Variants in BOD1L1 observed in about 807,000 individuals in gnomAD.
BOD1L1 encodes the protein biorientation of chromosomes in cell division protein 1-like 1.
A neutral mutation model predicts 240.7 loss-of-function variants in BOD1L1; 86 were observed. The observed-to-expected ratio is 0.36, with a 90% CI of 0.30 to 0.43. The LOEUF (loss-of-function observed/expected upper bound fraction) is 0.43, where lower values mean the gene tolerates loss of function less well. Ranked by LOEUF, BOD1L1 falls within the 20% of genes least tolerant of loss-of-function variation. The pLI is 1.00. For synonymous variants in BOD1L1, 1,268 were observed against 1,272.3 expected, an observed-to-expected ratio of 1.00 and a Z score of 0.07; for missense variants, 3,554 against 3,643.5, an observed-to-expected ratio of 0.98 and a Z score of 0.63.
intron 25 of BOD1L1, among the ~76,000 whole-genome samples, chr4:13,573,831 T>A (rs2108876214): frequency 6.6e-6 from 1 of 152,268 alleles, no homozygotes; most frequent in East Asian, 1.9e-4. Context: ...GCCTCTTTTA[T>A]ATTTTATTAA....
rs752234564 is a variant in BOD1L1 at position 13,601,716 on chromosome 4, T to C, written c.5184A>G (p.Thr1728=). ...GPKKETEGTV[T]CTGAEGRSDN... ...CACTTCTGCCTTCTGCTCCTGTACA[T>C]GTCACAGTGCCCTCTGTTTCTTTTT... The change falls in exon 10 of 26, where the codon ACA becomes ACG. Residue 1728 remains threonine (T), a synonymous_variant. Transcript: ENST00000040738. The C allele has an allele frequency of 5.0e-6, 8 of 1,613,932 alleles. No homozygotes were observed. Among genetic ancestry groups the C allele is most frequent in the Non-Finnish European group, 6.8e-6 (8 of 1,179,910 alleles).
intron 22 of BOD1L1, among the ~76,000 whole-genome samples, chr4:13,579,144 G>A (rs1185422330): frequency 4.6e-5 from 7 of 152,116 alleles, no homozygotes; most frequent in Non-Finnish European, 7.4e-5. Context: ...TGTCAACAAA[G>A]AGGACTGTCT....
At chr4:13,615,741 A>C (rs1716533854) in intron 2 of BOD1L1, among the ~76,000 whole-genome samples, 1 of 152,172 alleles carries the variant, frequency 6.6e-6, no homozygotes, top group African/African-American at 2.4e-5. Flanking sequence ...TAGTGGAAAT[A>C]CTGAAACAGA....
Position 13,605,073 on chromosome 4 carries a change from C to A in BOD1L1, c.1827G>T (p.Lys609Asn). The change falls in exon 10 of 26, where the codon AAG becomes AAT. Residue 609 changes from lysine (K) to asparagine (N), a missense_variant. Around this residue, in one of 2 missense-constraint regions of BOD1L1, gnomAD observed 3,393 missense variants for 3,427.1 expected, o/e 0.99. Coordinates refer to ENST00000040738, the MANE Select transcript of BOD1L1 (RefSeq NM_148894.3). ...GCTCCTTTGAAGAAGAAATTTTTTC[C>A]TTTTCACAATGCTGAAAGAAAACAA... ...ETLKTSEHCE[K>N]EKISSSKELK... is the part of the protein sequence containing the mutation. 1.3e-6 allele frequency: 2 copies of A among 1,544,188 alleles called. No individual in the cohort carries two copies. Among genetic ancestry groups the A allele is most frequent in the Non-Finnish European group, 8.7e-7 (1 of 1,153,220 alleles).
intron 7 of BOD1L1, 121 bp from the exon 8 acceptor site, chr4:13,608,789 G>A (rs1433572912): frequency 1.3e-6 from 1 of 756,902 alleles, no homozygotes; most frequent in Non-Finnish European, 1.9e-6. Flanking sequence ...ATATTCTTAA[G>A]TTGTGCTGGA....
Position 13,600,334 on chromosome 4 carries a change from T to G in BOD1L1, c.6566A>C (p.Asp2189Ala). 1 of 1,614,044 alleles carries G rather than the reference T, an allele frequency of 6.2e-7. No homozygotes were observed. The highest frequency in any genetic ancestry group is 8.5e-7 in the Non-Finnish European group (1 of 1,179,900). ...ATGPVLISTA[D>A]FEGPMPSAPP... ...CGCACTGGGCATAGGCCCCTCAAAG[T>G]CGGCGGTGCTTATCAAGACTGGACC... Residue 2189 changes from aspartate to alanine, a missense_variant, in exon 10 of 26, where the codon GAC (aspartate) becomes GCC (alanine). This residue lies in a region of BOD1L1 where 3,393 missense variants were observed against 3,427.1 expected (regional missense o/e 0.99). Coordinates refer to ENST00000040738, the MANE Select transcript of BOD1L1 (RefSeq NM_148894.3).
rs1343210326 is a variant in BOD1L1, at chr4:13,605,125, T to A, written c.1816-41A>T. Reference sequence around the variant, plus strand: ...GGTTAAAATATGAGAAATACCAAAATCAATTTTTAGATTAAAACATAACAT... The same window carrying A: ...GGTTAAAATATGAGAAATACCAAAAACAATTTTTAGATTAAAACATAACAT... On this transcript the variant is annotated intron_variant, in intron 9 of 25. Transcript: ENST00000040738. The A allele has an allele frequency of 2.1e-6, 3 of 1,416,648 alleles. No homozygotes were observed. The African/African-American group carries it at 4.3e-5, about 21-fold the overall frequency. The allele number at this position is 1,416,648 out of a possible 1,614,324, so 87.8% of individuals were successfully genotyped here. A position where few individuals can be genotyped will look rare whatever the true frequency, so the allele number is the denominator to read the frequency against.
intron 3 of BOD1L1, 73 bp downstream of exon 3, chr4:13,615,239 C>T (rs1716495336): frequency 3.6e-6 from 5 of 1,392,062 alleles, no homozygotes; most frequent in East Asian, 2.4e-5. Flanking sequence ...TGTTAAAGAG[C>T]CAAGTATCCC....
chr4:13,608,533 G>T lies in BOD1L1; in HGVS notation c.1739C>A (p.Ser580Ter). Residue 580 changes from serine to a stop codon, truncating the protein, a stop_gained, in exon 8 of 26, where the codon TCA becomes TAA. Coordinates refer to ENST00000040738, the MANE Select transcript of BOD1L1 (RefSeq NM_148894.3). LOFTEE classifies it high-confidence loss of function. ...VALSKKRKKD[S>*]RNVEENSKKK... ...CATGACCAGATAAAATATGTACCTT[G>T]AATCTTTTTTTCTCTTTTTGCTTAA... 6.5e-7 allele frequency: 1 copy of T among 1,536,404 alleles called. No individual in the cohort carries two copies. Among genetic ancestry groups the T allele is most frequent in the Non-Finnish European group, 8.7e-7 (1 of 1,145,774 alleles).
At chr4:13,598,321 C>G (rs1455368721) in intron 10 of BOD1L1, among the ~76,000 whole-genome samples, 1 of 152,160 alleles carries the variant, frequency 6.6e-6, no homozygotes, top group Non-Finnish European at 1.5e-5. Context: ...AAATAACATG[C>G]TCCTTTGATT....
rs752983411 is a variant in BOD1L1 at position 13,603,172 on chromosome 4, A to G, written c.3728T>C (p.Leu1243Pro). 1 of 1,614,014 alleles carries G rather than the reference A, an allele frequency of 6.2e-7. No homozygotes were observed. Among genetic ancestry groups the G allele is most frequent in the South Asian group, 1.1e-5 (1 of 91,086 alleles). ...IDSETVHRML[L>P]SAPSENDRVQ... ...CCTATCATTTTCTGATGGGGCACTC[A>G]GTAACATTCTATGAACAGTTTCAGA... The change falls in exon 10 of 26, where the codon CTG becomes CCG. Residue 1243 changes from leucine to proline, a missense_variant. Coordinates refer to ENST00000040738, the MANE Select transcript of BOD1L1 (RefSeq NM_148894.3).
chr4:13,589,459 A>G (rs1040544499), intron 14 of BOD1L1, among the ~76,000 whole-genome samples: 6 of 152,250 alleles, frequency 3.9e-5, no homozygotes, highest in Non-Finnish European at 7.3e-5. Context: ...CAATTAAAAT[A>G]ATTAGAGTTA....
At position 13,582,587 on chromosome 4, in the gene BOD1L1, G is replaced by A. The variant is rs926544470; in HGVS notation, c.8518+65C>T. On this transcript the variant is annotated intron_variant, in intron 18 of 25. Coordinates refer to ENST00000040738, the MANE Select transcript of BOD1L1 (RefSeq NM_148894.3). ...AGTAAATGAGCAAAATAGACGTTTC[G>A]GTTGAGAGACACGCTGGCTGCTTTG... 12 of 1,233,510 alleles carry A rather than the reference G, an allele frequency of 9.7e-6. No individual in the cohort carries two copies. The African/African-American group carries it at 1.3e-4, about 14-fold the overall frequency. The allele number at this position is 1,233,510 out of a possible 1,614,324, so 76.4% of individuals were successfully genotyped here.
Position 13,599,965 on chromosome 4 carries a change from T to A in BOD1L1, c.6935A>T (p.Asp2312Val), listed in dbSNP as rs1011558482. 6.2e-7 allele frequency: 1 copy of A among 1,612,190 alleles called. No homozygotes were observed. Among genetic ancestry groups the A allele is most frequent in the Admixed American group, 1.7e-5 (1 of 59,762 alleles). ...TCTTGTGATGGTGAGCCGATCTTCA[T>A]CCTGGAGGACAGCACCAATCATGAC... is the stretch of plus-strand genomic sequence containing the variant. The part of the protein sequence containing the change: ...EAVMIGAVLQ[D>V]EDRLTITRVE... Residue 2312 changes from aspartate to valine, a missense_variant, in exon 10 of 26, where the codon GAT becomes GTT. Physicochemically the swap from Asp to Val is radical, Grantham distance 152. This residue lies in a region of BOD1L1 where 3,393 missense variants were observed against 3,427.1 expected (regional missense o/e 0.99). Coordinates refer to ENST00000040738, the MANE Select transcript of BOD1L1 (RefSeq NM_148894.3).
chr4:13,590,398 A>G lies in BOD1L1; in HGVS notation c.8197T>C (p.Tyr2733His). 6.7e-7 allele frequency: 1 copy of G among 1,503,144 alleles called. No homozygotes were observed. 93.1% of individuals were successfully genotyped at this position (1,503,144 alleles called of 1,614,324 possible). The change falls in exon 14 of 26, where the codon TAT becomes CAT. Residue 2733 changes from tyrosine (Y) to histidine (H), a missense_variant. This residue lies in a region of BOD1L1 where 3,393 missense variants were observed against 3,427.1 expected (regional missense o/e 0.99). Transcript: ENST00000040738. The stretch of plus-strand genomic sequence containing the variant: ...TTCATTAACTTACCTCCTTTGTTAT[A>G]AGATTCGCTATGAATTTCTTCATTT... ...RTNEEIHSES[Y>H]NKGEISSGRK...
chr4:13,574,013 T>G (rs1712483262), intron 25 of BOD1L1, among the ~76,000 whole-genome samples: 1 of 152,134 alleles, frequency 6.6e-6, no homozygotes, highest in Non-Finnish European at 1.5e-5. Flanking sequence ...AGGTAACTGA[T>G]GAGCACAAAC....
chr4:13,621,441 C>A (rs753709979), intron 1 of BOD1L1, among the ~76,000 whole-genome samples: 7 of 152,216 alleles, frequency 4.6e-5, no homozygotes, highest in African/African-American at 9.6e-5. Flanking sequence ...TGACAAACTT[C>A]TCACCTTCAG....
intron 17 of BOD1L1, among the ~76,000 whole-genome samples, chr4:13,582,944 AG>A (rs1299207648): frequency 6.6e-6 from 1 of 152,258 alleles, no homozygotes. Context: ...GAAAAGCATG[AG>A]ATAAGGTTCA....
At chr4:13,625,157 C>G (rs190227903) in intron 1 of BOD1L1, 1 of 152,206 alleles carries the variant, frequency 6.6e-6, no homozygotes, top group African/African-American at 2.4e-5. Flanking sequence ...TACTGTGCCT[C>G]GGAATGGAAG....
Sources: allele counts gnomAD v4.1 joint callset (sites outside exome capture counted in the v4.1 genomes callset), GRCh38; gene constraint gnomAD v4.1.1; regional missense constraint gnomAD v4.1.1; transcripts MANE v1.5; gene names NCBI Gene and HGNC (gene_info 2026-07-23, HGNC 2026-07-21).